Variants in CMSS1 observed in about 807,000 individuals in gnomAD.
CMSS1 encodes protein CMSS1.
CMSS1 carries 33 observed loss-of-function variants against 43.5 expected under a neutral mutation model. The observed-to-expected ratio is 0.76, with a 90% CI of 0.57 to 1.01. The LOEUF (loss-of-function observed/expected upper bound fraction) is 1.01, where lower values mean the gene tolerates loss of function less well. Ranked by LOEUF, CMSS1 falls within the 50% of genes least tolerant of loss-of-function variation. The probability of loss-of-function intolerance (pLI) is 0.00; values close to 1 mark genes in which losing one functional copy is unlikely to be tolerated. For missense variants in CMSS1, 313 were observed against 326.4 expected (o/e 0.96, Z 0.32); for synonymous variants, 115 against 117.2 (o/e 0.98, Z 0.12).
intron 1 of CMSS1, among the ~76,000 whole-genome samples, chr3:100,069,859 G>C (rs182165024): frequency 3.3e-5 from 5 of 152,176 alleles, no homozygotes; most frequent in Non-Finnish European, 1.5e-5. Flanking sequence ...ATCTACCCTG[G>C]ATATGAGAAA....
chr3:99,835,776 C>CAAGGA (rs1359180171), intron 1 of CMSS1, among the ~76,000 whole-genome samples: 1 of 152,010 alleles, frequency 6.6e-6, no homozygotes, highest in Non-Finnish European at 1.5e-5. Context: ...GAATGACGTG[C>CAAGGA]AATAATAGAA....
intron 1 of CMSS1, among the ~76,000 whole-genome samples, chr3:100,019,767 A>G (rs1232291411): frequency 1.3e-5 from 2 of 152,186 alleles, no homozygotes; most frequent in African/African-American, 2.4e-5. Context: ...CTTTCAAACT[A>G]TTACAGCAAA....
intron 1 of CMSS1, among the ~76,000 whole-genome samples, chr3:99,929,042 A>G (rs746072613): frequency 9.2e-5 from 14 of 152,146 alleles, no homozygotes; most frequent in Non-Finnish European, 1.6e-4. Context: ...TTTGAGGGAA[A>G]TTTGTCTGAA....
chr3:99,837,947 A>G (rs904515031), intron 1 of CMSS1, among the ~76,000 whole-genome samples: 1 of 152,210 alleles, frequency 6.6e-6, no homozygotes, highest in African/African-American at 2.4e-5. Flanking sequence ...GCAGCCACCT[A>G]CTTATAAGCT....
intron 1 of CMSS1, among the ~76,000 whole-genome samples, chr3:100,054,281 A>G (rs1298965374): frequency 6.6e-6 from 1 of 152,122 alleles, no homozygotes; most frequent in African/African-American, 2.4e-5. Context: ...GTTTTTTGAA[A>G]GAACATGAGT....
intron 1 of CMSS1, among the ~76,000 whole-genome samples, chr3:99,926,105 A>G (rs1196618751): frequency 6.6e-6 from 1 of 152,220 alleles, no homozygotes; most frequent in Non-Finnish European, 1.5e-5. Context: ...CTCATTGTGA[A>G]TTTAAAGCCA....
chr3:100,056,090 T>C (rs1359784861), intron 1 of CMSS1, among the ~76,000 whole-genome samples: 1 of 152,178 alleles, frequency 6.6e-6, no homozygotes. Context: ...AGCTATGGTA[T>C]ACCAAGGTCT....
chr3:99,900,857 A>C (rs563168554), intron 1 of CMSS1, among the ~76,000 whole-genome samples: 1 of 152,216 alleles, frequency 6.6e-6, no homozygotes, highest in Admixed American at 6.5e-5. Context: ...TGATTCTTAC[A>C]TGTAGCAAAG....
At chr3:99,864,388 T>C (rs1052982680) in intron 1 of CMSS1, among the ~76,000 whole-genome samples, 21 of 152,146 alleles carry the variant, frequency 1.4e-4, no homozygotes, top group African/African-American at 4.8e-4. Context: ...TTATAGCAAC[T>C]GTATGAGCTA....
chr3:100,091,280 G>A (rs1463610899), intron 1 of CMSS1, among the ~76,000 whole-genome samples: 12 of 134,298 alleles, frequency 8.9e-5, no homozygotes, highest in Non-Finnish European at 1.7e-4. Context: ...GCGAGACTCC[G>A]TCTCAAAAAA....
At chr3:100,056,773 G>T (rs1330143668) in intron 1 of CMSS1, among the ~76,000 whole-genome samples, 1 of 151,362 alleles carries the variant, frequency 6.6e-6, no homozygotes, top group Non-Finnish European at 1.5e-5. Flanking sequence ...GCCAAGGCAG[G>T]CCGGGCGGAT....
intron 6 of CMSS1, among the ~76,000 whole-genome samples, chr3:100,171,339 A>C (rs534307477): frequency 6.6e-6 from 1 of 152,056 alleles, no homozygotes; most frequent in African/African-American, 2.4e-5. Flanking sequence ...GAAGGATAGA[A>C]GCCCCCCCTC....
intron 2 of CMSS1, among the ~76,000 whole-genome samples, chr3:100,148,976 A>C (rs932129755): frequency 2.0e-5 from 3 of 151,964 alleles, no homozygotes; most frequent in African/African-American, 7.3e-5. Flanking sequence ...GTGGGGTTTA[A>C]TTTTTCCCTA....
chr3:100,176,918 A>G (rs990604202), intron 9 of CMSS1, among the ~76,000 whole-genome samples: 1 of 152,208 alleles, frequency 6.6e-6, no homozygotes, highest in Non-Finnish European at 1.5e-5. Context: ...TCAGAATTGA[A>G]TGACCGAATG....
rs79749591 is a variant in CMSS1 at position 100,035,850 on chromosome 3, C to T, written c.65-111123C>T. Among the ~76,000 whole-genome samples the T allele has an allele frequency of 6.2e-3, 939 of 152,300 alleles. 6 individuals carry two copies. Among genetic ancestry groups the T allele is most frequent in the African/African-American group, 0.018 (744 of 41,556 alleles). ...GTTACATCTTTATTCCTTTCCCCCACATTGGATTCTTTGAAAGCAAATCAC... is the reference window on the plus strand; with the variant it reads ...GTTACATCTTTATTCCTTTCCCCCATATTGGATTCTTTGAAAGCAAATCAC... On this transcript the variant is annotated intron_variant, in intron 1 of 9. Transcript: ENST00000421999.
chr3:100,038,341 C>CA (rs983788931), intron 1 of CMSS1, among the ~76,000 whole-genome samples: 3 of 151,780 alleles, frequency 2.0e-5, no homozygotes, highest in African/African-American at 4.8e-5. Flanking sequence ...TGAGCCCATC[C>CA]AAAAAAAATT....
At chr3:100,096,858 T>C (rs1285352257) in intron 1 of CMSS1, among the ~76,000 whole-genome samples, 1 of 152,080 alleles carries the variant, frequency 6.6e-6, no homozygotes, top group Non-Finnish European at 1.5e-5. Context: ...CTTTCCTGTA[T>C]CAAAATATCT....
chr3:100,131,363 TAC>T (rs2066706605), intron 1 of CMSS1, among the ~76,000 whole-genome samples: 1 of 152,230 alleles, frequency 6.6e-6, no homozygotes. Flanking sequence ...AAACGATGTC[TAC>T]CACGGGCAAT....
At chr3:100,009,763 GTCTC>G (rs961972107) in intron 1 of CMSS1, among the ~76,000 whole-genome samples, 2 of 152,188 alleles carry the variant, frequency 1.3e-5, no homozygotes, top group African/African-American at 4.8e-5. Flanking sequence ...AGCTTTGATT[GTCTC>G]TCTCTTAGTA....
Sources: gnomAD v4.1 joint callset for allele counts (sites outside exome capture counted in the v4.1 genomes callset) on GRCh38, gnomAD v4.1.1 for gene constraint, MANE v1.5 for transcripts, NCBI Gene and HGNC (gene_info 2026-07-23, HGNC 2026-07-21) for gene names.